TAB2: variants seen among roughly 807,000 people sequenced by gnomAD.
TAB2 encodes TGF-beta-activated kinase 1 and MAP3K7-binding protein 2.
In TAB2, 3 loss-of-function variants were observed where a neutral mutation model predicts 65.0. That is an observed-to-expected ratio of 0.05 (90% confidence interval 0.02 to 0.12). The LOEUF (loss-of-function observed/expected upper bound fraction) is 0.12. Among genes scored for constraint, TAB2 ranks in the 10% least tolerant of loss-of-function variants. The pLI, the probability that TAB2 is intolerant of heterozygous loss-of-function variation, is 1.00. For missense variants in TAB2, 623 were observed against 840.3 expected (o/e 0.74, Z 3.20); for synonymous variants, 298 against 285.1 (o/e 1.05, Z -0.46).
intron 1 of TAB2, among the ~76,000 whole-genome samples, chr6:149,234,356 G>A: frequency 6.6e-6 from 1 of 152,202 alleles, no homozygotes; most frequent in East Asian, 1.9e-4. Context: ...TTCTTGAGAG[G>A]TGCCAGGAGG....
intron 6 of TAB2, among the ~76,000 whole-genome samples, chr6:149,405,802 A>G (rs1375835899): frequency 1.3e-5 from 2 of 152,156 alleles, no homozygotes; most frequent in African/African-American, 4.8e-5. Flanking sequence ...TATAAGATAA[A>G]TAAACTCTGG....
At chr6:149,342,972 A>G (rs1780176091) in intron 1 of TAB2, 1 of 152,242 alleles carries the variant, frequency 6.6e-6, no homozygotes, top group African/African-American at 2.4e-5. Context: ...TCTAGGTAAC[A>G]TGCAGCTAGT....
intron 1 of TAB2, among the ~76,000 whole-genome samples, chr6:149,273,107 A>C (rs1430389216): frequency 6.6e-6 from 1 of 152,062 alleles, no homozygotes; most frequent in African/African-American, 2.4e-5. Flanking sequence ...ATCGAGGACC[A>C]CTGATCGAGT....
intron 1 of TAB2, among the ~76,000 whole-genome samples, chr6:149,368,764 A>G (rs550275515): frequency 6.6e-6 from 1 of 152,248 alleles, no homozygotes; most frequent in South Asian, 2.1e-4. Context: ...TAACTAAGCT[A>G]AAGCCACATA....
intron 1 of TAB2, among the ~76,000 whole-genome samples, chr6:149,283,548 A>G (rs1778614362): frequency 6.6e-6 from 1 of 152,072 alleles, no homozygotes; most frequent in South Asian, 2.1e-4. Flanking sequence ...CGTCTCTACT[A>G]AAAATACAAA....
chr6:149,258,034 T>A (rs549279987), intron 1 of TAB2, among the ~76,000 whole-genome samples: 1 of 152,112 alleles, frequency 6.6e-6, no homozygotes, highest in African/African-American at 2.4e-5. Context: ...ACTAGGGAAG[T>A]TGAGATAGCA....
upstream of TAB2, among the ~76,000 whole-genome samples, chr6:149,316,765 G>A (rs576255949): frequency 1.3e-5 from 2 of 152,134 alleles, no homozygotes; most frequent in Admixed American, 1.3e-4. Context: ...AAATAAAATC[G>A]AAACAACGAA....
At chr6:149,219,318 G>A (rs991153217) in intron 1 of TAB2, among the ~76,000 whole-genome samples, 10 of 151,852 alleles carry the variant, frequency 6.6e-5, no homozygotes, top group Admixed American at 6.6e-4. Context: ...GTGTGTGTGT[G>A]TGTGTGTGTG....
At chr6:149,375,295 T>A (rs907675302) in intron 2 of TAB2, among the ~76,000 whole-genome samples, 14 of 152,120 alleles carry the variant, frequency 9.2e-5, no homozygotes, top group African/African-American at 3.1e-4. Flanking sequence ...AATAAAAATT[T>A]TAATAAAAAG....
At chr6:149,329,331 T>C (rs1189124870) in intron 1 of TAB2, among the ~76,000 whole-genome samples, 1 of 43,946 alleles carries the variant, frequency 2.3e-5, no homozygotes, top group Admixed American at 2.7e-4. Context: ...AGGTAATGTG[T>C]TTGAGAAGGA....
chr6:149,299,183 G>A (rs1778928377), intron 1 of TAB2, among the ~76,000 whole-genome samples: 1 of 152,326 alleles, frequency 6.6e-6, no homozygotes, highest in South Asian at 2.1e-4. Flanking sequence ...AATTTTCATG[G>A]TATAGCATTG....
intron 1 of TAB2, among the ~76,000 whole-genome samples, chr6:149,283,174 T>C (rs1472501704): frequency 6.6e-6 from 1 of 152,200 alleles, no homozygotes; most frequent in Non-Finnish European, 1.5e-5. Flanking sequence ...CCCGCTAGGG[T>C]TGGCCTGCAC....
rs565648269 is a variant in TAB2, at chr6:149,309,403, CT to C, written c.-120-68600del. ...CCCCACCCCAACACCAATAATTCCT[CT>C]TTTTTTTTTTTTTTGAGACAGAGGC... On this transcript the variant is annotated intron_variant, in intron 1 of 1. Transcript: ENST00000606202. Among the ~76,000 whole-genome samples the C allele has an allele frequency of 6.5e-3, 921 of 141,042 alleles. 3 individuals carry two copies. The highest frequency in any genetic ancestry group is 9.9e-3 in the African/African-American group (370 of 37,272). 92.5% of individuals were successfully genotyped at this position (141,042 alleles called of 152,430 possible).
At chr6:149,249,810 C>G (rs1777823361) in intron 1 of TAB2, among the ~76,000 whole-genome samples, 2 of 152,238 alleles carry the variant, frequency 1.3e-5, no homozygotes. Flanking sequence ...GCCCGCACTC[C>G]ATCACTGGTC....
intron 1 of TAB2, among the ~76,000 whole-genome samples, chr6:149,232,479 G>A (rs762413783): frequency 5.3e-5 from 8 of 152,068 alleles, no homozygotes; most frequent in Non-Finnish European, 8.8e-5. Context: ...CGCCTGCCTC[G>A]GCCTCTCCAA....
intron 1 of TAB2, among the ~76,000 whole-genome samples, chr6:149,278,998 A>C (rs558789177): frequency 6.6e-6 from 1 of 152,198 alleles, no homozygotes; most frequent in Non-Finnish European, 1.5e-5. Context: ...CTTTCTAGCT[A>C]TTGTGAACCT....
chr6:149,298,412 G>C (rs775893394), intron 1 of TAB2, among the ~76,000 whole-genome samples: 31 of 152,124 alleles, frequency 2.0e-4, no homozygotes, highest in Non-Finnish European at 3.8e-4. Flanking sequence ...GCAATGGCTT[G>C]AGCCTGGAGT....
chr6:149,258,571 G>T (rs982403504), intron 1 of TAB2, among the ~76,000 whole-genome samples: 2 of 152,186 alleles, frequency 1.3e-5, no homozygotes, highest in African/African-American at 4.8e-5. Context: ...TCATGCATTT[G>T]CTCAGAAGCA....
In TAB2 at chr6:149,378,203, G is replaced by C. The variant is rs1781470440; in HGVS notation, c.288G>C (p.Arg96Ser). The change falls in exon 3 of 7, where the codon AGG becomes AGC. Residue 96 changes from arginine to serine, a missense_variant. Arg to Ser is a moderately radical substitution (Grantham distance 110). Transcript: ENST00000637181. ...ACCACCATGGAAGAGAAGGAAGTAGGATGAATGGAAGTAGGACTCTAACGC... is the reference window on the plus strand; with the variant it reads ...ACCACCATGGAAGAGAAGGAAGTAGCATGAATGGAAGTAGGACTCTAACGC... ...NIYHHGREGS[R>S]MNGSRTLTHS... 2 of 1,614,064 alleles carry C rather than the reference G, an allele frequency of 1.2e-6. No homozygotes were observed.
Sources: gnomAD v4.1 joint callset for allele counts (sites outside exome capture counted in the v4.1 genomes callset) on GRCh38, gnomAD v4.1.1 for gene constraint, MANE v1.5 for transcripts, NCBI Gene and HGNC (gene_info 2026-07-23, HGNC 2026-07-21) for gene names.